EPHA6: variants seen among roughly 807,000 people sequenced by gnomAD.
EPHA6 encodes the protein ephrin type-A receptor 6.
Under a neutral mutation model 112.0 loss-of-function variants are expected in EPHA6, and 50 were observed. The observed-to-expected ratio is 0.45, with a 90% CI of 0.36 to 0.56. The LOEUF (loss-of-function observed/expected upper bound fraction) is 0.56. EPHA6 is among the 20% of genes least tolerant of loss of function. The probability of loss-of-function intolerance (pLI) is 0.00; values close to 1 mark genes in which losing one functional copy is unlikely to be tolerated. For missense variants in EPHA6, 1,280 were observed against 1,417.4 expected (o/e 0.90, Z 1.56); for synonymous variants, 529 against 490.7 (o/e 1.08, Z -1.03).
chr3:97,033,735 A>T (rs965727126), intron 3 of EPHA6, among the ~76,000 whole-genome samples: 1 of 151,956 alleles, frequency 6.6e-6, no homozygotes, highest in African/African-American at 2.4e-5. Flanking sequence ...TGTTCATTCT[A>T]TGGAAATGAA....
intron 2 of EPHA6, among the ~76,000 whole-genome samples, chr3:96,923,181 G>C (rs1325677210): frequency 6.6e-6 from 1 of 152,140 alleles, no homozygotes. Flanking sequence ...GGATCAAATG[G>C]TATTTCTGCC....
chr3:96,925,397 A>T (rs550045572), intron 2 of EPHA6, among the ~76,000 whole-genome samples: 1 of 152,158 alleles, frequency 6.6e-6, no homozygotes, highest in Non-Finnish European at 1.5e-5. Flanking sequence ...TCCAGAATTT[A>T]TCCATTTCTT....
At chr3:97,550,871 A>G (rs979224506) in intron 11 of EPHA6, among the ~76,000 whole-genome samples, 6 of 152,184 alleles carry the variant, frequency 3.9e-5, no homozygotes, top group Non-Finnish European at 8.8e-5. Context: ...ATAAAAGACA[A>G]AAAGGAAGGA....
chr3:97,517,941 A>G (rs186170313), intron 10 of EPHA6, among the ~76,000 whole-genome samples: 2 of 152,234 alleles, frequency 1.3e-5, no homozygotes, highest in East Asian at 3.9e-4. Context: ...TCTTAAGGAG[A>G]ATAGTACTCC....
chr3:97,456,868 G>T (rs114961711), intron 7 of EPHA6, among the ~76,000 whole-genome samples: 1 of 151,922 alleles, frequency 6.6e-6, no homozygotes, highest in South Asian at 2.1e-4. Flanking sequence ...CTTAAAGAGA[G>T]CAAAAATGTT....
At chr3:96,903,292 T>C (rs2038721759) in intron 2 of EPHA6, among the ~76,000 whole-genome samples, 1 of 152,118 alleles carries the variant, frequency 6.6e-6, no homozygotes, top group Admixed American at 6.6e-5. Context: ...GCAAGAGTTG[T>C]AGGAGTTGAG....
intron 3 of EPHA6, among the ~76,000 whole-genome samples, chr3:97,145,302 A>G (rs972367774): frequency 2.0e-5 from 3 of 151,426 alleles, no homozygotes; most frequent in Admixed American, 6.6e-5. Flanking sequence ...ATCATACTTT[A>G]TATTATGGTC....
chr3:97,367,437 C>T (rs981074264), intron 5 of EPHA6, among the ~76,000 whole-genome samples: 1 of 152,052 alleles, frequency 6.6e-6, no homozygotes, highest in East Asian at 1.9e-4. Flanking sequence ...TGGTCGTGTC[C>T]CTGGGTGGCC....
chr3:96,926,124 C>T (rs978162254), intron 2 of EPHA6, among the ~76,000 whole-genome samples: 5 of 151,968 alleles, frequency 3.3e-5, no homozygotes, highest in Non-Finnish European at 5.9e-5. Context: ...GTAGGGAGGC[C>T]TCAGGAAACT....
Position 97,747,491 on chromosome 3 carries a change from C to T in EPHA6, c.3197C>T (p.Ser1066Phe), listed in dbSNP as rs1259125751. 1 of 1,609,528 alleles carries T rather than the reference C, an allele frequency of 6.2e-7. No homozygotes were observed. The highest frequency in any genetic ancestry group is 1.7e-5 in the Admixed American group (1 of 59,498). ...LFVTVGDWLD[S>F]IKMGQYKNNF... is the part of the protein sequence containing the mutation. ...GTCACAGTTGGTGACTGGCTAGATTCTATAAAGATGGGGCAATACAAGAAT... is the reference window on the plus strand; with the variant it reads ...GTCACAGTTGGTGACTGGCTAGATTTTATAAAGATGGGGCAATACAAGAAT... The change falls in exon 17 of 18, where the codon TCT becomes TTT. Residue 1066 changes from serine to phenylalanine, a missense_variant. Physicochemically the swap from Ser to Phe is radical, Grantham distance 155. Around this residue, in one of 4 missense-constraint regions of EPHA6, gnomAD observed 145 missense variants for 153.3 expected, o/e 0.95. Transcript: ENST00000389672.
intron 2 of EPHA6, among the ~76,000 whole-genome samples, chr3:96,918,482 CCATT>C (rs1340797313): frequency 6.6e-6 from 1 of 151,978 alleles, no homozygotes; most frequent in African/African-American, 2.4e-5. Context: ...AATTCCTTGA[CCATT>C]CAGTGATGGT....
At chr3:97,052,597 G>A (rs1172953604) in intron 3 of EPHA6, among the ~76,000 whole-genome samples, 1 of 152,076 alleles carries the variant, frequency 6.6e-6, no homozygotes, top group Non-Finnish European at 1.5e-5. Context: ...GTAAAGGTGT[G>A]TTTTGGTCTT....
chr3:96,892,936 C>T (rs1486913667), intron 2 of EPHA6, among the ~76,000 whole-genome samples: 1 of 148,038 alleles, frequency 6.8e-6, no homozygotes, highest in Non-Finnish European at 1.5e-5. Context: ...AGCCTGATTC[C>T]AACTTATATA....
At chr3:96,880,112 T>A (rs1384637372) in intron 2 of EPHA6, among the ~76,000 whole-genome samples, 3 of 152,002 alleles carry the variant, frequency 2.0e-5, no homozygotes, top group African/African-American at 7.2e-5. Flanking sequence ...TAATAAAAAA[T>A]TTAAAAAAAT....
In EPHA6 at chr3:97,637,892, C is replaced by T; in HGVS notation, c.2594C>T (p.Thr865Ile). The T allele has an allele frequency of 6.2e-7, 1 of 1,613,840 alleles. No individual in the cohort carries two copies. Among genetic ancestry groups the T allele is most frequent in the Non-Finnish European group, 8.5e-7 (1 of 1,179,768 alleles). Residue 865 changes from threonine (T) to isoleucine (I), a missense_variant, in exon 14 of 18, where the codon ACA becomes ATA. Physicochemically the swap from Thr to Ile is moderately conservative, Grantham distance 89. This residue lies in a region of EPHA6 where 878 missense variants were observed against 999.7 expected (regional missense o/e 0.88). Transcript: ENST00000389672. ...SFLRKHDGHF[T>I]VIQLVGMLRG... is the part of the protein sequence containing the mutation. The stretch of plus-strand genomic sequence containing the variant: ...TTGCAGAAGCATGATGGCCACTTCA[C>T]AGTCATCCAGTTGGTCGGAATGCTC...
At chr3:97,383,218 G>A (rs1024023171) in intron 5 of EPHA6, among the ~76,000 whole-genome samples, 7 of 151,966 alleles carry the variant, frequency 4.6e-5, no homozygotes, top group African/African-American at 1.7e-4. Flanking sequence ...TAAAAATCTG[G>A]TTTTAATAGG....
chr3:97,338,410 C>T (rs973100507), intron 5 of EPHA6, among the ~76,000 whole-genome samples: 1 of 152,102 alleles, frequency 6.6e-6, no homozygotes, highest in Non-Finnish European at 1.5e-5. Context: ...TGAGCATCTA[C>T]CCAGATCACC....
intron 3 of EPHA6, among the ~76,000 whole-genome samples, chr3:97,169,650 A>G (rs1248546678): frequency 6.6e-6 from 1 of 152,192 alleles, no homozygotes; most frequent in Non-Finnish European, 1.5e-5. Context: ...ATAAATTCAT[A>G]GATACATATT....
chr3:97,495,976 C>G (rs528457165), intron 10 of EPHA6, among the ~76,000 whole-genome samples: 1 of 152,226 alleles, frequency 6.6e-6, no homozygotes, highest in Non-Finnish European at 1.5e-5. Flanking sequence ...GGTTTCCCCA[C>G]CCCTTGCATT....
Sources: allele counts gnomAD v4.1 joint callset (sites outside exome capture counted in the v4.1 genomes callset), GRCh38; gene constraint gnomAD v4.1.1; regional missense constraint gnomAD v4.1.1; transcripts MANE v1.5; gene names NCBI Gene and HGNC (gene_info 2026-07-23, HGNC 2026-07-21).